Variants in AKAP12 observed in about 807,000 individuals in gnomAD.
The protein encoded by AKAP12 is A-kinase anchor protein 12.
AKAP12 carries 32 observed loss-of-function variants against 79.9 expected under a neutral mutation model. That is an observed-to-expected ratio of 0.40 (90% CI 0.30 to 0.54). The LOEUF (loss-of-function observed/expected upper bound fraction) is 0.54. Ranked by LOEUF, AKAP12 falls within the 20% of genes least tolerant of loss-of-function variation. The pLI, the probability that AKAP12 is intolerant of heterozygous loss-of-function variation, is 0.48. For missense variants in AKAP12, 2,074 were observed against 2,177.0 expected, an observed-to-expected ratio of 0.95 and a Z score of 0.94; for synonymous variants, 808 against 857.0, an observed-to-expected ratio of 0.94 and a Z score of 1.00.
At chr6:151,253,579 C>G (rs1186942736) in intron 2 of AKAP12, among the ~76,000 whole-genome samples, 1 of 152,166 alleles carries the variant, frequency 6.6e-6, no homozygotes, top group Admixed American at 6.5e-5. Context: ...AAACTTCAAC[C>G]TTAGGTGGCC....
chr6:151,355,778 G>A lies in AKAP12; in HGVS notation c.*64G>A, dbSNP rs1246715518. The A allele has an allele frequency of 2.6e-5, 4 of 152,618 alleles. No individual in the cohort carries two copies. The highest frequency in any genetic ancestry group is 4.4e-5 in the Non-Finnish European group (3 of 68,038). The allele number at this position is 152,618 out of a possible 1,614,324, so 9.5% of individuals were successfully genotyped here. ...CAGAATGTGAAGACAAGTAGTAGAA[G>A]AAAATGAATGCTGCTGCTGAGACTG... On this transcript the variant is annotated 3_prime_UTR_variant, in exon 5 of 5. Coordinates refer to ENST00000402676, the MANE Select transcript of AKAP12 (RefSeq NM_005100.4).
intron 3 of AKAP12, chr6:151,325,777 G>A (rs1186544722): frequency 1.9e-6 from 3 of 1,610,076 alleles, no homozygotes; most frequent in Non-Finnish European, 8.5e-7. Context: ...ACCACCTGCG[G>A]TTGGCAGGCA....
intron 2 of AKAP12, among the ~76,000 whole-genome samples, chr6:151,260,742 C>T (rs1161375985): frequency 6.6e-6 from 1 of 151,346 alleles, no homozygotes; most frequent in Non-Finnish European, 1.5e-5. Flanking sequence ...CCTGTAATCC[C>T]AGCACTTTGG....
intron 3 of AKAP12, 85 bp downstream of exon 3, chr6:151,305,988 T>C (rs1042257312): frequency 5.5e-5 from 77 of 1,402,442 alleles, no homozygotes; most frequent in Admixed American, 1.5e-4. Flanking sequence ...TCATACTGCC[T>C]GGTGGTGGAT....
At chr6:151,326,922 T>C (rs1309351419) in intron 3 of AKAP12, among the ~76,000 whole-genome samples, 1 of 152,090 alleles carries the variant, frequency 6.6e-6, no homozygotes, top group Non-Finnish European at 1.5e-5. Flanking sequence ...GTTCAAGCGA[T>C]TCTCCTGCCT....
intron 2 of AKAP12, among the ~76,000 whole-genome samples, chr6:151,287,155 G>A (rs1199796151): frequency 6.6e-6 from 1 of 152,016 alleles, no homozygotes; most frequent in African/African-American, 2.4e-5. Flanking sequence ...TATCCAGGAT[G>A]GTCTCGATCT....
At chr6:151,297,202 ATG>A (rs535994368) in intron 2 of AKAP12, among the ~76,000 whole-genome samples, 1 of 146,800 alleles carries the variant, frequency 6.8e-6, no homozygotes. Context: ...GTGTATGTGT[ATG>A]TGTGTGTGTG....
chr6:151,262,449 C>T (rs1797457908), intron 2 of AKAP12, among the ~76,000 whole-genome samples: 1 of 152,146 alleles, frequency 6.6e-6, no homozygotes, highest in South Asian at 2.1e-4. Context: ...CCTTGGGTGT[C>T]CTCTAAGAAA....
In AKAP12 at chr6:151,305,749, C is replaced by T; in HGVS notation, c.165C>T (p.Leu55=). ...AIAASDPATK[L]LQKNGQLSTI... is the part of the protein sequence containing the mutation. ...CTATGGCTTTGTCTTTTCCATAGCT[C>T]CTACAGAAGAATGGTCAGCTGTCCA... is the stretch of plus-strand genomic sequence containing the variant. Residue 55 remains leucine, a splice_region_variant and synonymous_variant, in exon 3 of 5, where the codon CTC becomes CTT. Transcript: ENST00000402676. 2 of 1,608,672 alleles carry T rather than the reference C, an allele frequency of 1.2e-6. No homozygotes were observed. The highest frequency in any genetic ancestry group is 1.7e-6 in the Non-Finnish European group (2 of 1,177,736).
At chr6:151,303,136 T>C (rs1344077725) in intron 2 of AKAP12, among the ~76,000 whole-genome samples, 9 of 152,244 alleles carry the variant, frequency 5.9e-5, no homozygotes, top group South Asian at 2.1e-4. Context: ...GATGTTGCAG[T>C]GAGCCAAGAT....
At chr6:151,273,978 G>A (rs1056372005) in intron 2 of AKAP12, among the ~76,000 whole-genome samples, 1 of 151,556 alleles carries the variant, frequency 6.6e-6, no homozygotes, top group Admixed American at 6.6e-5. Flanking sequence ...GCAGTGAGCC[G>A]AGATTGCACC....
At position 151,323,068 on chromosome 6, in the gene AKAP12, C is replaced by T. The variant is rs1777437658; in HGVS notation, c.319+17165C>T. On this transcript the variant is annotated intron_variant, in intron 3 of 4. Transcript: ENST00000402676. The stretch of plus-strand genomic sequence containing the variant: ...ACCTTAGGTCTCATCTTTACTCCTG[C>T]TTTTATCCTAATTGATGACTTTTCT... Among the ~76,000 whole-genome samples, 4 of 152,322 alleles carry T rather than the reference C, an allele frequency of 2.6e-5. No homozygotes were observed. The South Asian group carries it at 8.3e-4, about 32-fold the overall frequency.
In AKAP12 at chr6:151,240,572, G is replaced by A; in HGVS notation, c.10G>A (p.Gly4Arg). The change falls in exon 2 of 5, where the codon GGG becomes AGG. Residue 4 changes from glycine (G) to arginine (R), a missense_variant. Gly to Arg is a moderately radical substitution (Grantham distance 125, BLOSUM62 -2). Around this residue, in one of 3 missense-constraint regions of AKAP12, gnomAD observed 1,428 missense variants for 1,451.0 expected, o/e 0.98. Transcript: ENST00000402676. MGA[G>R]SSTEQRSPEQ... ...GAAGTGCGGAGGAGCCATGGGCGCC[G>A]GGAGCTCCACCGAGCAGCGCAGCCC... The A allele has an allele frequency of 1.4e-6, 2 of 1,444,668 alleles. No homozygotes were observed. The highest frequency in any genetic ancestry group is 1.8e-6 in the Non-Finnish European group (2 of 1,105,154). 89.5% of individuals were successfully genotyped at this position (1,444,668 alleles called of 1,614,324 possible).
intron 2 of AKAP12, among the ~76,000 whole-genome samples, chr6:151,250,798 G>T (rs1053827299): frequency 6.6e-6 from 1 of 151,762 alleles, no homozygotes; most frequent in Non-Finnish European, 1.5e-5. Flanking sequence ...GTAGAGATGG[G>T]GGTTTCACCG....
chr6:151,353,278 T>TA lies in AKAP12; in HGVS notation c.4888dup (p.Ile1630AsnfsTer7). The TA allele has an allele frequency of 6.2e-7, 1 of 1,614,178 alleles. No homozygotes were observed. Among genetic ancestry groups the TA allele is most frequent in the Non-Finnish European group, 8.5e-7 (1 of 1,180,038 alleles). On this transcript the variant is annotated frameshift_variant, in exon 4 of 5. Transcript: ENST00000402676. LOFTEE classifies it low-confidence loss of function (END_TRUNC). Reference sequence around the variant, plus strand: ...CCGCAGTGGGACAAGCACATTCTGATATTTCCAAAGACATGAGTGAAGCCT... The same window carrying TA: ...CCGCAGTGGGACAAGCACATTCTGATAATTTCCAAAGACATGAGTGAAGCCT...
chr6:151,319,396 G>GA (rs1160744808), intron 3 of AKAP12, among the ~76,000 whole-genome samples: 1 of 151,148 alleles, frequency 6.6e-6, no homozygotes, highest in Non-Finnish European at 1.5e-5. Context: ...GATAGATACA[G>GA]ACAGATATCT....
chr6:151,285,048 T>TA (rs1382040487), intron 2 of AKAP12, among the ~76,000 whole-genome samples: 1 of 152,192 alleles, frequency 6.6e-6, no homozygotes, highest in Non-Finnish European at 1.5e-5. Context: ...TTCAGGCACT[T>TA]TATTTTAGGA....
intron 3 of AKAP12, among the ~76,000 whole-genome samples, chr6:151,333,667 C>T (rs924211429): frequency 3.3e-5 from 5 of 150,354 alleles, no homozygotes; most frequent in Non-Finnish European, 4.4e-5. Context: ...TGCTTGAACC[C>T]GGGAGGTGGA....
chr6:151,249,400 G>A lies in AKAP12; in HGVS notation c.162+8676G>A, dbSNP rs980468948. On this transcript the variant is annotated intron_variant, in intron 2 of 4. Coordinates refer to ENST00000402676, the MANE Select transcript of AKAP12 (RefSeq NM_005100.4). ...TCACTGTGTTGCCAAGGCTGGTCTC[G>A]AACTCCTGAGCTCAAGTGATCCTCT... 2.6e-5 allele frequency among the ~76,000 whole-genome samples: 4 copies of A among 151,998 alleles called. No individual in the cohort carries two copies. In the South Asian group the frequency reaches 8.3e-4, roughly 32 times the overall value.
Sources: allele counts gnomAD v4.1 joint callset (sites outside exome capture counted in the v4.1 genomes callset), GRCh38; gene constraint gnomAD v4.1.1; regional missense constraint gnomAD v4.1.1; transcripts MANE v1.5; gene names NCBI Gene and HGNC (gene_info 2026-07-23, HGNC 2026-07-21).